Variants in MGAT4C observed in about 807,000 individuals in gnomAD.
MGAT4C encodes the protein MGAT4 family member C.
Under a neutral mutation model 40.1 loss-of-function variants are expected in MGAT4C, and 19 were observed. That is an observed-to-expected ratio of 0.47 (90% CI 0.33 to 0.70). The LOEUF (loss-of-function observed/expected upper bound fraction) is 0.70, where lower values mean the gene tolerates loss of function less well. Ranked by LOEUF, MGAT4C falls within the 30% of genes least tolerant of loss-of-function variation. MGAT4C has a pLI of 0.02. For synonymous variants in MGAT4C, 181 were observed against 187.1 expected (o/e 0.97, Z 0.27); for missense variants, 491 against 563.2 (o/e 0.87, Z 1.30).
At chr12:86,700,101 A>G (rs4133873) in intron 2 of MGAT4C, among the ~76,000 whole-genome samples, 1 of 150,728 alleles carries the variant, frequency 6.6e-6, no homozygotes, top group Non-Finnish European at 1.5e-5. Flanking sequence ...TGATAGATAG[A>G]TAGATGATAG....
chr12:86,777,630 A>C (rs1452554973), intron 1 of MGAT4C, among the ~76,000 whole-genome samples: 5 of 152,172 alleles, frequency 3.3e-5, no homozygotes, highest in Non-Finnish European at 7.3e-5. Flanking sequence ...AGTTTTGGAA[A>C]ACTAGAGAGC....
intron 3 of MGAT4C, among the ~76,000 whole-genome samples, chr12:86,414,439 A>G (rs1011565778): frequency 6.6e-6 from 1 of 152,154 alleles, no homozygotes; most frequent in African/African-American, 2.4e-5. Flanking sequence ...TTCTCATAAG[A>G]ACAATTTCAA....
At chr12:86,274,624 A>T (rs539242298) in intron 4 of MGAT4C, among the ~76,000 whole-genome samples, 7 of 152,312 alleles carry the variant, frequency 4.6e-5, no homozygotes, top group African/African-American at 1.7e-4. Flanking sequence ...GGGCAGATTT[A>T]CAGATGGAAT....
At chr12:86,356,065 C>A (rs1028321783) in intron 3 of MGAT4C, among the ~76,000 whole-genome samples, 3 of 151,938 alleles carry the variant, frequency 2.0e-5, no homozygotes, top group Non-Finnish European at 2.9e-5. Context: ...ACGCTACATA[C>A]AGAGTGAAAA....
chr12:86,555,600 T>A (rs2136401815), intron 2 of MGAT4C, among the ~76,000 whole-genome samples: 1 of 152,288 alleles, frequency 6.6e-6, no homozygotes, highest in Middle Eastern at 3.4e-3. Context: ...GGCTCTGGAA[T>A]GGAATCCTTG....
chr12:86,459,506 T>C (rs1166411635), intron 2 of MGAT4C, among the ~76,000 whole-genome samples: 8 of 151,808 alleles, frequency 5.3e-5, no homozygotes, highest in South Asian at 2.1e-4. Flanking sequence ...TACTCACCAA[T>C]AGCTAGCAAG....
chr12:86,600,187 A>G (rs1450856471), intron 2 of MGAT4C, among the ~76,000 whole-genome samples: 1 of 152,144 alleles, frequency 6.6e-6, no homozygotes, highest in African/African-American at 2.4e-5. Flanking sequence ...AAAACATTTC[A>G]GACAAAGAAG....
At chr12:86,693,314 G>A (rs1264573471) in intron 2 of MGAT4C, among the ~76,000 whole-genome samples, 1 of 152,080 alleles carries the variant, frequency 6.6e-6, no homozygotes, top group Non-Finnish European at 1.5e-5. Context: ...ATAACGGCAA[G>A]GAATTCTTCT....
chr12:86,388,566 A>C (rs1413714400), intron 3 of MGAT4C, among the ~76,000 whole-genome samples: 1 of 152,180 alleles, frequency 6.6e-6, no homozygotes, highest in Non-Finnish European at 1.5e-5. Context: ...GAAGGAGATA[A>C]ATAAAACTAA....
At chr12:86,287,852 T>TG (rs1048876694) in intron 4 of MGAT4C, among the ~76,000 whole-genome samples, 18 of 152,344 alleles carry the variant, frequency 1.2e-4, no homozygotes, top group African/African-American at 3.8e-4. Flanking sequence ...TATAATCCTT[T>TG]GGGTATATAC....
intron 3 of MGAT4C, among the ~76,000 whole-genome samples, chr12:86,433,931 G>A (rs1023823792): frequency 6.6e-6 from 1 of 151,820 alleles, no homozygotes; most frequent in Admixed American, 6.6e-5. Flanking sequence ...ATTTATTTAA[G>A]CTACATATTT....
In MGAT4C at chr12:86,267,935, A is replaced by G. The variant is rs951844056; in HGVS notation, c.-57+66130T>C. 3.3e-5 allele frequency among the ~76,000 whole-genome samples: 5 copies of G among 152,252 alleles called. No homozygotes were observed. In the East Asian group the frequency reaches 9.7e-4, roughly 29 times the overall value. ...TAATTTTTCTTACCAAAATATGACT[A>G]ACATAGTGGCAGTAGGACAGAAATA... is the stretch of plus-strand genomic sequence containing the variant. On this transcript the variant is annotated intron_variant, in intron 4 of 7. Transcript: ENST00000548651.
intron 4 of MGAT4C, among the ~76,000 whole-genome samples, chr12:85,982,322 G>A (rs942278571): frequency 1.3e-5 from 2 of 152,092 alleles, no homozygotes; most frequent in African/African-American, 4.8e-5. Context: ...CTGAGTAGCT[G>A]GAATTACAGG....
chr12:86,611,411 G>GGTA (rs1377035606), intron 2 of MGAT4C, among the ~76,000 whole-genome samples: 1 of 151,168 alleles, frequency 6.6e-6, no homozygotes, highest in Non-Finnish European at 1.5e-5. Context: ...TAGGTAGGTA[G>GGTA]GTAGGTAGGT....
At chr12:86,401,354 C>G (rs1956360053) in intron 3 of MGAT4C, among the ~76,000 whole-genome samples, 1 of 150,908 alleles carries the variant, frequency 6.6e-6, no homozygotes, top group Non-Finnish European at 1.5e-5. Context: ...TATAAAGCCC[C>G]TATTAAGTTA....
At chr12:86,040,501 G>C in intron 2 of MGAT4C, among the ~76,000 whole-genome samples, 1 of 152,190 alleles carries the variant, frequency 6.6e-6, no homozygotes, top group East Asian at 1.9e-4. Context: ...GCTCTGCCCA[G>C]TTCGAACTTC....
intron 2 of MGAT4C, among the ~76,000 whole-genome samples, chr12:86,435,906 C>G (rs1191180896): frequency 6.6e-6 from 1 of 151,754 alleles, no homozygotes; most frequent in African/African-American, 2.4e-5. Context: ...TTTAAACATT[C>G]AATATTTCTG....
At chr12:86,252,574 C>A (rs371816630) in intron 1 of MGAT4C, among the ~76,000 whole-genome samples, 1 of 151,772 alleles carries the variant, frequency 6.6e-6, no homozygotes, top group South Asian at 2.1e-4. Flanking sequence ...TTTTTAGTGC[C>A]ATTGTCCTAG....
intron 1 of MGAT4C, among the ~76,000 whole-genome samples, chr12:86,210,358 CAA>C (rs945563059): frequency 4.1e-4 from 62 of 152,258 alleles, no homozygotes; most frequent in African/African-American, 1.5e-3. Context: ...ATGAAGTAAA[CAA>C]AAGTGTGCAT....
Sources: allele counts gnomAD v4.1 joint callset (sites outside exome capture counted in the v4.1 genomes callset), GRCh38; gene constraint gnomAD v4.1.1; transcripts MANE v1.5; gene names NCBI Gene and HGNC (gene_info 2026-07-23, HGNC 2026-07-21).